TBC1D1: variants seen among roughly 807,000 people sequenced by gnomAD.
The protein encoded by TBC1D1 is TBC1 (tre-2/USP6, BUB2, cdc16) domain family, member 1.
Under a neutral mutation model 125.6 loss-of-function variants are expected in TBC1D1, and 89 were observed. The ratio of observed to expected loss-of-function variants is 0.71; its 90% CI spans 0.60 to 0.85. TBC1D1 has a LOEUF of 0.85. TBC1D1 is among the 40% of genes least tolerant of loss of function. The probability of loss-of-function intolerance (pLI) is 0.00; values close to 1 mark genes in which losing one functional copy is unlikely to be tolerated. For missense variants in TBC1D1, 1,377 were observed against 1,469.2 expected (o/e 0.94, Z 1.03); for synonymous variants, 565 against 564.1 (o/e 1.00, Z -0.02).
chr4:37,912,076 A>G (rs1425274535), intron 2 of TBC1D1, among the ~76,000 whole-genome samples: 1 of 152,232 alleles, frequency 6.6e-6, no homozygotes, highest in Non-Finnish European at 1.5e-5. Context: ...TTCGCAAGTC[A>G]TTCTCTATTT....
chr4:38,040,463 A>G (rs1176333224), intron 8 of TBC1D1, among the ~76,000 whole-genome samples: 3 of 152,006 alleles, frequency 2.0e-5, no homozygotes, highest in African/African-American at 7.3e-5. Context: ...TAATTTTTGT[A>G]TATTTAGTAG....
chr4:38,028,948 A>C (rs575318126), intron 7 of TBC1D1, among the ~76,000 whole-genome samples: 1 of 152,166 alleles, frequency 6.6e-6, no homozygotes, highest in Non-Finnish European at 1.5e-5. Flanking sequence ...CAAACCTACA[A>C]AAACAAAACA....
chr4:38,082,127 C>T (rs949828464), intron 12 of TBC1D1, among the ~76,000 whole-genome samples: 4 of 152,180 alleles, frequency 2.6e-5, no homozygotes, highest in Admixed American at 2.0e-4. Context: ...GGGAGTTGAG[C>T]TAAGTCATTT....
intron 2 of TBC1D1, among the ~76,000 whole-genome samples, chr4:37,991,391 G>C (rs1736538204): frequency 6.6e-6 from 1 of 152,176 alleles, no homozygotes. Context: ...TCTCTAACAA[G>C]TTTTTGTGCT....
intron 12 of TBC1D1, among the ~76,000 whole-genome samples, chr4:38,064,016 C>G (rs1753242583): frequency 6.6e-6 from 1 of 151,636 alleles, no homozygotes; most frequent in South Asian, 2.1e-4. Context: ...TAACCATAGA[C>G]AGCCCCTAAT....
chr4:38,024,508 G>C (rs1284907365), intron 6 of TBC1D1, among the ~76,000 whole-genome samples: 1 of 152,102 alleles, frequency 6.6e-6, no homozygotes, highest in East Asian at 1.9e-4. Flanking sequence ...TTAATCATTT[G>C]ATCCATCTAT....
At chr4:38,068,696 C>T (rs530916267) in intron 12 of TBC1D1, among the ~76,000 whole-genome samples, 93 of 152,330 alleles carry the variant, frequency 6.1e-4, no homozygotes, top group African/African-American at 2.1e-3. Context: ...AATGTAGCCC[C>T]TCACATTAGC....
At chr4:38,057,025 C>A (rs1417282034) in intron 12 of TBC1D1, among the ~76,000 whole-genome samples, 1 of 152,130 alleles carries the variant, frequency 6.6e-6, no homozygotes, top group Non-Finnish European at 1.5e-5. Context: ...CAGGGCCTGG[C>A]ATAGATGCTG....
intron 2 of TBC1D1, among the ~76,000 whole-genome samples, chr4:37,925,878 G>T (rs954710891): frequency 6.6e-6 from 1 of 151,946 alleles, no homozygotes; most frequent in African/African-American, 2.4e-5. Flanking sequence ...AAGTAGTTTG[G>T]TATCAATTTA....
At chr4:37,955,926 T>C in intron 2 of TBC1D1, among the ~76,000 whole-genome samples, 1 of 152,120 alleles carries the variant, frequency 6.6e-6, no homozygotes, top group African/African-American at 2.4e-5. Flanking sequence ...TGCTTGAGTC[T>C]AGGAGTTTGA....
chr4:37,944,062 C>T (rs1322350481), intron 2 of TBC1D1, among the ~76,000 whole-genome samples: 1 of 152,186 alleles, frequency 6.6e-6, no homozygotes, highest in Non-Finnish European at 1.5e-5. Flanking sequence ...CAGTCAGGAC[C>T]CTCAGCTGCA....
intron 2 of TBC1D1, among the ~76,000 whole-genome samples, chr4:37,984,234 G>A (rs547896875): frequency 6.6e-6 from 1 of 152,084 alleles, no homozygotes; most frequent in Non-Finnish European, 1.5e-5. Context: ...TCTCTGTGTA[G>A]GTTTTTGTGT....
intron 12 of TBC1D1, among the ~76,000 whole-genome samples, chr4:38,056,669 G>T (rs180730172): frequency 2.0e-5 from 3 of 152,094 alleles, no homozygotes; most frequent in Non-Finnish European, 2.9e-5. Flanking sequence ...TTAGCTGAGC[G>T]TGGTGTTGTG....
At chr4:38,027,360 C>T (rs140377739) in intron 6 of TBC1D1, among the ~76,000 whole-genome samples, 1,920 of 152,312 alleles carry the variant, frequency 0.013, 37 homozygotes, top group African/African-American at 0.043. Flanking sequence ...CAGTGGCTCA[C>T]GCCTGTAATC....
In TBC1D1 at chr4:38,132,986, C is replaced by T. The variant is rs954580644; in HGVS notation, c.3133-98C>T. On this transcript the variant is annotated intron_variant, in intron 18 of 19. Coordinates refer to ENST00000261439, the MANE Select transcript of TBC1D1 (RefSeq NM_015173.4). The stretch of plus-strand genomic sequence containing the variant: ...AGTGTAGAGCTAAGCGTAGAGGAGA[C>T]GCTTCACAGGTGCGCATTGTCGTGA... The T allele has an allele frequency of 2.2e-5, 22 of 1,011,640 alleles. No individual in the cohort carries two copies. The East Asian group carries it at 4.7e-4, about 22-fold the overall frequency. 62.7% of individuals were successfully genotyped at this position (1,011,640 alleles called of 1,614,324 possible). A position where few individuals can be genotyped will look rare whatever the true frequency, so the allele number is the denominator to read the frequency against.
chr4:37,919,492 A>T lies in TBC1D1; in HGVS notation c.417+16980A>T, dbSNP rs1161910575. Among the ~76,000 whole-genome samples, 5 of 152,112 alleles carry T rather than the reference A, an allele frequency of 3.3e-5. No individual in the cohort carries two copies. The East Asian group carries it at 9.7e-4, about 29-fold the overall frequency. ...TAAGCCACCGCGCCTGGCTAAGGTT[A>T]TATATTTTAATTTGATCACAGTTTC... On this transcript the variant is annotated intron_variant, in intron 2 of 19. Transcript: ENST00000261439.
chr4:38,078,358 G>A (rs1755954644), intron 12 of TBC1D1, among the ~76,000 whole-genome samples: 1 of 152,174 alleles, frequency 6.6e-6, no homozygotes, highest in Admixed American at 6.5e-5. Context: ...AAGGGAAGTT[G>A]TCAGAGGCTC....
chr4:37,975,685 T>C (rs1204775612), intron 2 of TBC1D1, among the ~76,000 whole-genome samples: 1 of 152,194 alleles, frequency 6.6e-6, no homozygotes, highest in East Asian at 1.9e-4. Context: ...CTCGCACTCT[T>C]GTCTTCTGGT....
chr4:37,910,682 T>C (rs933901458), intron 2 of TBC1D1, among the ~76,000 whole-genome samples: 5 of 151,724 alleles, frequency 3.3e-5, no homozygotes, highest in African/African-American at 7.3e-5. Context: ...TGAGGGGAGA[T>C]GGTTAATGGT....
Sources: allele counts gnomAD v4.1 joint callset (sites outside exome capture counted in the v4.1 genomes callset), GRCh38; gene constraint gnomAD v4.1.1; transcripts MANE v1.5; gene names NCBI Gene and HGNC (gene_info 2026-07-23, HGNC 2026-07-21).